Variants in GLRB observed in about 807,000 individuals in gnomAD.
GLRB encodes glycine receptor beta.
A neutral mutation model predicts 54.2 loss-of-function variants in GLRB; 33 were observed. The ratio of observed to expected loss-of-function variants is 0.61; its 90% confidence interval spans 0.46 to 0.81. The LOEUF (loss-of-function observed/expected upper bound fraction) is 0.81, where lower values mean the gene tolerates loss of function less well. Among genes scored for constraint, GLRB ranks in the 40% least tolerant of loss-of-function variants. The probability of loss-of-function intolerance (pLI) is 0.00; values close to 1 mark genes in which losing one functional copy is unlikely to be tolerated. For synonymous variants in GLRB, 209 were observed against 208.2 expected (o/e 1.00, Z -0.03); for missense variants, 572 against 584.6 (o/e 0.98, Z 0.22).
intron 7 of GLRB, 100 bp from the exon 8 acceptor site, chr4:157,143,700 GAAATTGC>G (rs1471748324): frequency 8.9e-7 from 1 of 1,118,802 alleles, no homozygotes; most frequent in Non-Finnish European, 1.3e-6. Flanking sequence ...TTTCCTCTGT[GAAATTGC>G]CTCAGATGGA....
At chr4:157,142,477 T>C (rs1459884731) in intron 7 of GLRB, among the ~76,000 whole-genome samples, 1 of 152,144 alleles carries the variant, frequency 6.6e-6, no homozygotes, top group Non-Finnish European at 1.5e-5. Flanking sequence ...CTAAATCACA[T>C]TGGGAAAAGG....
chr4:157,122,823 A>G (rs1360735470), intron 4 of GLRB, among the ~76,000 whole-genome samples: 3 of 151,758 alleles, frequency 2.0e-5, no homozygotes, highest in Non-Finnish European at 4.4e-5. Flanking sequence ...TCATTTTGTG[A>G]TATGTAGAGC....
intron 2 of GLRB, among the ~76,000 whole-genome samples, chr4:157,098,355 T>G (rs763041878): frequency 2.0e-5 from 3 of 152,164 alleles, no homozygotes; most frequent in Non-Finnish European, 4.4e-5. Flanking sequence ...GAGACATTAT[T>G]TGAAAAGACT....
At chr4:157,169,226 T>C (rs762824964) in intron 9 of GLRB, among the ~76,000 whole-genome samples, 1 of 152,134 alleles carries the variant, frequency 6.6e-6, no homozygotes, top group Non-Finnish European at 1.5e-5. Flanking sequence ...GTTTCCATGT[T>C]CAATAAAAAT....
At position 157,078,126 on chromosome 4, in the gene GLRB, G is replaced by T; in HGVS notation, c.102G>T (p.Lys34Asn). 1 of 1,612,296 alleles carries T rather than the reference G, an allele frequency of 6.2e-7. No individual in the cohort carries two copies. Among genetic ancestry groups the T allele is most frequent in the African/African-American group, 1.3e-5 (1 of 74,998 alleles). The change falls in exon 2 of 10, where the codon AAG (lysine) becomes AAT (asparagine). Residue 34 changes from lysine to asparagine, a missense_variant. Transcript: ENST00000264428. ...EKSSKKGKGK[K>N]KQYLCPSQQS... ...CTTCAAAGAAAGGGAAGGGGAAAAA[G>T]AAGCAGTATCTATGCCCATCGTATG...
intron 2 of GLRB, among the ~76,000 whole-genome samples, chr4:157,110,713 A>G (rs1038531602): frequency 1.3e-5 from 2 of 151,922 alleles, no homozygotes; most frequent in Non-Finnish European, 2.9e-5. Flanking sequence ...ATTGTTATCT[A>G]TGCAGCAGAA....
chr4:157,160,852 T>G (rs1215771186), intron 9 of GLRB, among the ~76,000 whole-genome samples: 1 of 152,190 alleles, frequency 6.6e-6, no homozygotes, highest in Non-Finnish European at 1.5e-5. Flanking sequence ...TTAGGCCCAC[T>G]TGGTGCAGAG....
intron 7 of GLRB, among the ~76,000 whole-genome samples, chr4:157,142,294 A>G (rs1736646780): frequency 6.6e-6 from 1 of 152,130 alleles, no homozygotes; most frequent in Non-Finnish European, 1.5e-5. Flanking sequence ...ATGACTTGAT[A>G]TATTGCCTAA....
intron 1 of GLRB, among the ~76,000 whole-genome samples, chr4:157,077,220 T>C (rs1209298761): frequency 2.0e-5 from 3 of 152,162 alleles, no homozygotes; most frequent in Admixed American, 2.0e-4. Context: ...GATTTGAGCA[T>C]GAAAATGTTA....
intron 7 of GLRB, among the ~76,000 whole-genome samples, chr4:157,140,803 T>C (rs1031850425): frequency 6.6e-6 from 1 of 151,948 alleles, no homozygotes; most frequent in Admixed American, 6.6e-5. Flanking sequence ...AGTGTCTAAA[T>C]TGTTTTGAGA....
intron 4 of GLRB, among the ~76,000 whole-genome samples, chr4:157,122,745 A>C (rs1735878827): frequency 6.6e-6 from 1 of 151,788 alleles, no homozygotes; most frequent in African/African-American, 2.4e-5. Flanking sequence ...GAACATTCAA[A>C]ATGTTTTAAG....
chr4:157,139,918 T>C (rs1240633007), intron 7 of GLRB, among the ~76,000 whole-genome samples: 1 of 151,974 alleles, frequency 6.6e-6, no homozygotes, highest in African/African-American at 2.4e-5. Context: ...TAGAATGCTG[T>C]CCTCATGATG....
At chr4:157,146,765 G>T (rs1320262600) in intron 8 of GLRB, among the ~76,000 whole-genome samples, 1 of 151,976 alleles carries the variant, frequency 6.6e-6, no homozygotes, top group Non-Finnish European at 1.5e-5. Flanking sequence ...AGGTTGCAAT[G>T]AGCTGAGATT....
intron 2 of GLRB, among the ~76,000 whole-genome samples, chr4:157,097,337 C>T (rs948925974): frequency 6.6e-6 from 1 of 152,048 alleles, no homozygotes; most frequent in South Asian, 2.1e-4. Flanking sequence ...ACTCTATGTT[C>T]GTTACTTTTA....
At chr4:157,079,795 C>T (rs1030590683) in intron 2 of GLRB, among the ~76,000 whole-genome samples, 8 of 152,066 alleles carry the variant, frequency 5.3e-5, no homozygotes, top group South Asian at 2.1e-4. Context: ...TATTCCTAAG[C>T]GAAAGGACAC....
chr4:157,125,810 T>A (rs1400207786), intron 4 of GLRB, among the ~76,000 whole-genome samples: 1 of 151,938 alleles, frequency 6.6e-6, no homozygotes, highest in Non-Finnish European at 1.5e-5. Flanking sequence ...TAGCTGGGCA[T>A]GGTGGTGCAC....
chr4:157,095,357 A>G (rs966275156), intron 2 of GLRB, among the ~76,000 whole-genome samples: 1 of 152,088 alleles, frequency 6.6e-6, no homozygotes, highest in African/African-American at 2.4e-5. Flanking sequence ...TAAAAACTAC[A>G]GGAAGAGTAG....
intron 2 of GLRB, among the ~76,000 whole-genome samples, chr4:157,118,673 G>A (rs990203972): frequency 6.6e-6 from 1 of 151,492 alleles, no homozygotes; most frequent in Non-Finnish European, 1.5e-5. Flanking sequence ...ATTAAATTAT[G>A]TCATACATTT....
At chr4:157,143,756 C>T (rs1736701420) in intron 7 of GLRB, 51 bp from the exon 8 acceptor site, 1 of 1,560,072 alleles carries the variant, frequency 6.4e-7, no homozygotes, top group Non-Finnish European at 8.8e-7. Flanking sequence ...TGATGTTTGC[C>T]ATTCTGTGTG....
Sources: allele counts gnomAD v4.1 joint callset (sites outside exome capture counted in the v4.1 genomes callset), GRCh38; gene constraint gnomAD v4.1.1; transcripts MANE v1.5; gene names NCBI Gene and HGNC (gene_info 2026-07-23, HGNC 2026-07-21).